Variants in RPL37A observed in about 807,000 individuals in gnomAD.
RPL37A encodes the protein large ribosomal subunit protein eL43.
In RPL37A, 5 loss-of-function variants were observed where a neutral mutation model predicts 13.6. That is an observed-to-expected ratio of 0.37 (90% CI 0.19 to 0.78). The LOEUF is 0.78. Among genes scored for constraint, RPL37A ranks in the 30% least tolerant of loss-of-function variants. The probability of loss-of-function intolerance (pLI) is 0.49; values close to 1 mark genes in which losing one functional copy is unlikely to be tolerated. For missense variants in RPL37A, 77 were observed against 120.0 expected (o/e 0.64, Z 1.67); for synonymous variants, 50 against 44.4 (o/e 1.13, Z -0.50).
At position 216,502,268 on chromosome 2, in the gene RPL37A, A is replaced by T. The variant is rs1229537075; in HGVS notation, c.*864A>T. ...CTTGAACCTACGAGGCGGAGGTTGC[A>T]GTGGGCCAGGATCGTGCCACTGCAC... On this transcript the variant is annotated 3_prime_UTR_variant, in exon 4 of 4. Coordinates refer to ENST00000491306, the MANE Select transcript of RPL37A (RefSeq NM_000998.5). 6.6e-6 allele frequency: 1 copy of T among 152,204 alleles called. No homozygotes were observed. Among genetic ancestry groups the T allele is most frequent in the Non-Finnish European group, 1.5e-5 (1 of 68,042 alleles). The allele number at this position is 152,204 out of a possible 1,614,324, so 9.4% of individuals were successfully genotyped here.
chr2:216,499,237 T>C (rs1574496722), intron 1 of RPL37A, 33 bp from the exon 2 acceptor site: 4 of 1,602,044 alleles, frequency 2.5e-6, no homozygotes, highest in Non-Finnish European at 3.4e-6. Context: ...GGGTTCCAGG[T>C]CTATCACTGG....
rs1398406428 is a variant in RPL37A at position 216,501,989 on chromosome 2, T to TA, written c.*586dup. 1 of 152,306 alleles carries TA rather than the reference T, an allele frequency of 6.6e-6. No individual in the cohort carries two copies. Among genetic ancestry groups the TA allele is most frequent in the Non-Finnish European group, 1.5e-5 (1 of 68,180 alleles). The allele number at this position is 152,306 out of a possible 1,614,324, so 9.4% of individuals were successfully genotyped here. On this transcript the variant is annotated 3_prime_UTR_variant, in exon 4 of 4. Coordinates refer to ENST00000491306, the MANE Select transcript of RPL37A (RefSeq NM_000998.5). ...CCTTGGCCTTCCAGAGTGCTGGGAT[T>TA]ACAGGTGTGAGCCACCACGCCCAGC...
chr2:216,502,584 C>CT lies in RPL37A; in HGVS notation c.*1183dup, dbSNP rs1270159927. The CT allele has an allele frequency of 1.3e-5, 2 of 152,220 alleles. No homozygotes were observed. Among genetic ancestry groups the CT allele is most frequent in the African/African-American group, 4.8e-5 (2 of 41,462 alleles). 9.4% of individuals were successfully genotyped at this position (152,220 alleles called of 1,614,324 possible). ...AGAATTCGAGTTATTTTAGGCCTGC[C>CT]TTTGACACTTTTATGCACTTAATTC... On this transcript the variant is annotated 3_prime_UTR_variant, in exon 4 of 4. Coordinates refer to ENST00000491306, the MANE Select transcript of RPL37A (RefSeq NM_000998.5).
Position 216,501,564 on chromosome 2 carries a change from C to G in RPL37A, c.*160C>G. 1.9e-6 allele frequency: 1 copy of G among 524,656 alleles called. No homozygotes were observed. Among genetic ancestry groups the G allele is most frequent in the Non-Finnish European group, 3.4e-6 (1 of 296,432 alleles). The allele number at this position is 524,656 out of a possible 1,614,324, so 32.5% of individuals were successfully genotyped here. A position where few individuals can be genotyped will look rare whatever the true frequency, so the allele number is the denominator to read the frequency against. On this transcript the variant is annotated 3_prime_UTR_variant, in exon 4 of 4. Transcript: ENST00000491306. The stretch of plus-strand genomic sequence containing the variant: ...CATGCCAAGATGGATTATTGTAATT[C>G]AGTGTCTTTTTTAGTAGTCAAATGG...
chr2:216,501,606 A>T lies in RPL37A; in HGVS notation c.*202A>T. Reference sequence around the variant, plus strand: ...GTCAAATGGTAAAATGCAGCATAAGAATATAAGTCTTCCAAGTTAGATATG... The same window carrying T: ...GTCAAATGGTAAAATGCAGCATAAGTATATAAGTCTTCCAAGTTAGATATG... On this transcript the variant is annotated 3_prime_UTR_variant, in exon 4 of 4. Coordinates refer to ENST00000491306, the MANE Select transcript of RPL37A (RefSeq NM_000998.5). 1 of 436,044 alleles carries T rather than the reference A, an allele frequency of 2.3e-6. No individual in the cohort carries two copies. Among genetic ancestry groups the T allele is most frequent in the Non-Finnish European group, 4.1e-6 (1 of 245,012 alleles). 27.0% of individuals were successfully genotyped at this position (436,044 alleles called of 1,614,324 possible).
chr2:216,500,603 G>A (rs1213098182), intron 3 of RPL37A: 1 of 152,628 alleles, frequency 6.6e-6, no homozygotes, highest in African/African-American at 2.4e-5. Context: ...GGATTTTAAA[G>A]TTTCAGTCAA....
intron 3 of RPL37A, chr2:216,500,570 A>T (rs1695582803): frequency 6.5e-6 from 1 of 153,836 alleles, no homozygotes; most frequent in African/African-American, 2.4e-5. Flanking sequence ...AAGCACATAT[A>T]TGGCTAGTGT....
chr2:216,501,290 T>A (rs1339310425), intron 3 of RPL37A, 51 bp from the exon 4 acceptor site: 1 of 1,503,176 alleles, frequency 6.7e-7, no homozygotes, highest in East Asian at 2.3e-5. Context: ...TATTTGCCAT[T>A]TTCTATGTTA....
Position 216,501,496 on chromosome 2 carries a change from A to T in RPL37A, c.*92A>T, listed in dbSNP as rs1361204106. The T allele has an allele frequency of 2.4e-6, 2 of 827,750 alleles. No homozygotes were observed. The highest frequency in any genetic ancestry group is 4.0e-6 in the Non-Finnish European group (2 of 494,698). The allele number at this position is 827,750 out of a possible 1,614,324, so 51.3% of individuals were successfully genotyped here. A position where few individuals can be genotyped will look rare whatever the true frequency, so the allele number is the denominator to read the frequency against. ...CCTTGGCTTGTTAACTTTATTAGACATTCTGATGTTTGCATTGTGTAAATA... is the reference window on the plus strand; with the variant it reads ...CCTTGGCTTGTTAACTTTATTAGACTTTCTGATGTTTGCATTGTGTAAATA... On this transcript the variant is annotated 3_prime_UTR_variant, in exon 4 of 4. Coordinates refer to ENST00000491306, the MANE Select transcript of RPL37A (RefSeq NM_000998.5).
rs1559145926 is a variant in RPL37A, at chr2:216,502,253, C to CGAGGCG, written c.*854_*859dup. On this transcript the variant is annotated 3_prime_UTR_variant, in exon 4 of 4. Transcript: ENST00000491306. ...CAGGCACAAGAATCACTTGAACCTA[C>CGAGGCG]GAGGCGGAGGTTGCAGTGGGCCAGG... 1 of 152,136 alleles carries CGAGGCG rather than the reference C, an allele frequency of 6.6e-6. No individual in the cohort carries two copies. The highest frequency in any genetic ancestry group is 2.1e-4 in the South Asian group (1 of 4,828). The allele number at this position is 152,136 out of a possible 1,614,324, so 9.4% of individuals were successfully genotyped here.
At position 216,499,913 on chromosome 2, in the gene RPL37A, AC is replaced by A. The variant is rs753114734; in HGVS notation, c.133-35del. ...TGGATGCTTGTAAGAGAAAATACTT[AC>A]TTGGTTCATAGTGAAAATTGGTTCT... On this transcript the variant is annotated intron_variant, in intron 2 of 3. Coordinates refer to ENST00000491306, the MANE Select transcript of RPL37A (RefSeq NM_000998.5). 1.3e-5 allele frequency: 20 copies of A among 1,540,582 alleles called. No homozygotes were observed. The African/African-American group carries it at 2.5e-4, about 19-fold the overall frequency.
intron 2 of RPL37A, 37 bp from the exon 3 acceptor site, chr2:216,499,912 T>G: frequency 6.5e-7 from 1 of 1,541,032 alleles, no homozygotes. Context: ...AGAAAATACT[T>G]ACTTGGTTCA....
chr2:216,500,187 A>T, intron 3 of RPL37A, 156 bp downstream of exon 3: 1 of 631,062 alleles, frequency 1.6e-6, no homozygotes, highest in Non-Finnish European at 2.8e-6. Flanking sequence ...GTTTATTTTC[A>T]GTTATTGAAA....
chr2:216,501,045 T>G, intron 3 of RPL37A: 1 of 227,282 alleles, frequency 4.4e-6, no homozygotes, highest in Non-Finnish European at 8.6e-6. Context: ...GCAACTCTGG[T>G]TGAGAAATCA....
At chr2:216,501,301 A>T (rs148807558) in intron 3 of RPL37A, 40 bp from the exon 4 acceptor site, 10 of 1,557,386 alleles carry the variant, frequency 6.4e-6, no homozygotes, top group Non-Finnish European at 8.8e-6. Flanking sequence ...TTCTATGTTA[A>T]CATGCTTAAT....
At position 216,498,892 on chromosome 2, in the gene RPL37A, C is replaced by T. The variant is rs749624249; in HGVS notation, c.3+15C>T. The stretch of plus-strand genomic sequence containing the variant: ...GCGGCGACATGGTGAGTGTGGGTCT[C>T]TGTGCGGCCTAGAACTCTATCTGCC... On this transcript the variant is annotated intron_variant, in intron 1 of 3. Transcript: ENST00000491306. The T allele has an allele frequency of 2.5e-6, 4 of 1,614,066 alleles. No individual in the cohort carries two copies. The highest frequency in any genetic ancestry group is 1.1e-5 in the South Asian group (1 of 91,084).
In RPL37A at chr2:216,502,624, C is replaced by CT. The variant is rs547719251; in HGVS notation, c.*1221dup. On this transcript the variant is annotated 3_prime_UTR_variant, in exon 4 of 4. Coordinates refer to ENST00000491306, the MANE Select transcript of RPL37A (RefSeq NM_000998.5). The stretch of plus-strand genomic sequence containing the variant: ...GCACTTAATTCACTGCCAATTTAGT[C>CT]TAACTCCTCAACCATCTGTGGTATG... 1.4e-4 allele frequency: 21 copies of CT among 152,188 alleles called. 1 individual carries two copies. The highest frequency in any genetic ancestry group is 1.2e-3 in the Admixed American group (19 of 15,286). The allele number at this position is 152,188 out of a possible 1,614,324, so 9.4% of individuals were successfully genotyped here. A position where few individuals can be genotyped will look rare whatever the true frequency, so the allele number is the denominator to read the frequency against.
rs1695611968 is a variant in RPL37A at position 216,502,287 on chromosome 2, A to C, written c.*883A>C. The C allele has an allele frequency of 6.6e-6, 1 of 152,160 alleles. No homozygotes were observed. The highest frequency in any genetic ancestry group is 1.5e-5 in the Non-Finnish European group (1 of 68,044). The allele number at this position is 152,160 out of a possible 1,614,324, so 9.4% of individuals were successfully genotyped here. ...GGTTGCAGTGGGCCAGGATCGTGCC[A>C]CTGCACTTTATTTAGCCAGGACAAC... On this transcript the variant is annotated 3_prime_UTR_variant, in exon 4 of 4. Coordinates refer to ENST00000491306, the MANE Select transcript of RPL37A (RefSeq NM_000998.5).
rs1559145544 is a variant in RPL37A at position 216,501,275 on chromosome 2, T to G, written c.216-66T>G. On this transcript the variant is annotated intron_variant, in intron 3 of 3. Transcript: ENST00000491306. The stretch of plus-strand genomic sequence containing the variant: ...ACTTTAACACAAAAACGAGGCAGAT[T>G]TACTTATTTGCCATTTTCTATGTTA... 7 of 1,357,658 alleles carry G rather than the reference T, an allele frequency of 5.2e-6. No individual in the cohort carries two copies. The African/African-American group carries it at 8.7e-5, about 17-fold the overall frequency. The allele number at this position is 1,357,658 out of a possible 1,614,324, so 84.1% of individuals were successfully genotyped here.
Sources: allele counts gnomAD v4.1 joint callset, GRCh38; gene constraint gnomAD v4.1.1; transcripts MANE v1.5; gene names NCBI Gene and HGNC (gene_info 2026-07-23, HGNC 2026-07-21).